The following MOK variants were observed in gnomAD, a reference collection of about 807,000 sequenced individuals.
The protein encoded by MOK is MAPK/MAK/MRK overlapping kinase.
Under a neutral mutation model 54.2 loss-of-function variants are expected in MOK, and 59 were observed. The observed-to-expected ratio is 1.09, with a 90% CI of 0.88 to 1.35. The LOEUF (loss-of-function observed/expected upper bound fraction) is 1.35. Among genes scored for constraint, MOK ranks in the 40% most tolerant of loss-of-function variants. The pLI, the probability that MOK is intolerant of heterozygous loss-of-function variation, is 0.00. For synonymous variants in MOK, 210 were observed against 202.7 expected, an observed-to-expected ratio of 1.04 and a Z score of -0.31; for missense variants, 517 against 526.2, an observed-to-expected ratio of 0.98 and a Z score of 0.17.
At chr14:102,243,408 C>T (rs1015854691) in intron 7 of MOK, among the ~76,000 whole-genome samples, 30 of 152,132 alleles carry the variant, frequency 2.0e-4, no homozygotes, top group Middle Eastern at 6.3e-3. Flanking sequence ...GAGCCGGGAC[C>T]GTGCCCTGTA....
At chr14:102,216,689 G>A in the MOK span, among the ~76,000 whole-genome samples, 1 of 152,164 alleles carries the variant, frequency 6.6e-6, no homozygotes, top group African/African-American at 2.4e-5. Context: ...CAGCACTTTG[G>A]GAGGCCGAGG....
downstream of MOK, chr14:102,224,577 T>C (rs1440626439): frequency 4.4e-6 from 2 of 455,966 alleles, no homozygotes; most frequent in South Asian, 1.5e-5. Context: ...TCACATTAAA[T>C]TGGGGGCATG....
downstream of MOK, chr14:102,226,055 G>A (rs1233906140): frequency 7.9e-6 from 4 of 505,580 alleles, no homozygotes; most frequent in Non-Finnish European, 1.4e-5. This position sits in a 1 kb window ranked among gnomAD's most constrained non-coding sequence, Gnocchi z 4.8. Context: ...TGCACCGCAG[G>A]TGTGGGGACA....
chr14:102,266,492 G>C lies in MOK; in HGVS notation c.123-580C>G, dbSNP rs555246767. ...CTCAAACTCCCAGGCTCAAATGATC[G>C]GCCCGCCTCAGCCACCCAAAGTACT... On this transcript the variant is annotated intron_variant, in intron 2 of 11. Transcript: ENST00000361847. 1.3e-5 allele frequency among the ~76,000 whole-genome samples: 2 copies of C among 152,006 alleles called. 1 individual carries two copies. Among genetic ancestry groups the C allele is most frequent in the Middle Eastern group, 6.8e-3 (2 of 294 alleles).
At chr14:102,260,116 T>A (rs1365045284) in intron 4 of MOK, among the ~76,000 whole-genome samples, 2 of 143,086 alleles carry the variant, frequency 1.4e-5, no homozygotes, top group African/African-American at 5.2e-5. Context: ...GCGGAGGTTG[T>A]GGTGAGCCGA....
downstream of MOK, chr14:102,226,547 T>C (rs376715613): frequency 6.8e-5 from 46 of 674,098 alleles, 1 homozygote; most frequent in South Asian, 6.8e-4. This position sits in a 1 kb window ranked among gnomAD's most constrained non-coding sequence, Gnocchi z 4.8. Flanking sequence ...GGTGGCCTCC[T>C]ATGGGCTGAG....
chr14:102,245,654 T>C lies in MOK; in HGVS notation c.590+5158A>G, dbSNP rs1158434622. 1.3e-5 allele frequency among the ~76,000 whole-genome samples: 2 copies of C among 151,720 alleles called. No homozygotes were observed. Among genetic ancestry groups the C allele is most frequent in the African/African-American group, 2.4e-5 (1 of 41,260 alleles). On this transcript the variant is annotated intron_variant, in intron 7 of 11. Coordinates refer to ENST00000361847, the MANE Select transcript of MOK (RefSeq NM_014226.3). This position sits in a 1 kb window ranked among gnomAD's most constrained non-coding sequence, Gnocchi z 4.3. ...ATCCTCTACAACGGCCCCACCCCTA[T>C]CTCCCTTCGATGATTCTCTTTTCGG...
In MOK at chr14:102,235,340, A is replaced by T. The variant is rs933123607; in HGVS notation, c.591-1551T>A. 6.6e-6 allele frequency: 1 copy of T among 152,230 alleles called. No homozygotes were observed. The highest frequency in any genetic ancestry group is 1.5e-5 in the Non-Finnish European group (1 of 68,042). The allele number at this position is 152,230 out of a possible 1,614,324, so 9.4% of individuals were successfully genotyped here. ...GACACTTACATCAAATAATTTAAAT[A>T]TCTCACCCAGTCTTATGAACTTACT... On this transcript the variant is annotated intron_variant, in intron 7 of 11. Transcript: ENST00000361847. This position sits in a 1 kb window ranked among gnomAD's most constrained non-coding sequence, Gnocchi z 4.4.
chr14:102,231,776 A>G lies in MOK; in HGVS notation c.912T>C (p.Phe304=), dbSNP rs902876212. Residue 304 remains phenylalanine (F), a synonymous_variant, in exon 10 of 12, where the codon TTT becomes TTC. Transcript: ENST00000361847. This position sits in a 1 kb window ranked among gnomAD's most constrained non-coding sequence, Gnocchi z 4.4. ...GTTCCGGTGCCACAGGGTGCTCCGG[A>G]AAGCCAGCTTTTCTGTGGCTGCCCA... ...RALGSHRKAG[F]PEHPVAPEPL... is the part of the protein sequence containing the mutation. The G allele has an allele frequency of 1.9e-6, 3 of 1,612,610 alleles. No individual in the cohort carries two copies. Among genetic ancestry groups the G allele is most frequent in the Non-Finnish European group, 2.5e-6 (3 of 1,179,514 alleles).
At chr14:102,250,607 G>C (rs2066449846) in intron 7 of MOK, among the ~76,000 whole-genome samples, 1 of 152,184 alleles carries the variant, frequency 6.6e-6, no homozygotes, top group African/African-American at 2.4e-5. Flanking sequence ...GAGGGCTGGT[G>C]CTCTTCTCTG....
chr14:102,255,392 G>A (rs1247139953), intron 4 of MOK, among the ~76,000 whole-genome samples: 4 of 152,104 alleles, frequency 2.6e-5, no homozygotes, highest in Admixed American at 6.6e-5. Context: ...AGCCACAAAC[G>A]GGCATGCGGG....
chr14:102,266,788 G>T (rs1230054822), intron 2 of MOK, among the ~76,000 whole-genome samples: 1 of 151,932 alleles, frequency 6.6e-6, no homozygotes, highest in Admixed American at 6.6e-5. Context: ...CACCATGTTG[G>T]CCAGGCTGGT....
intron 1 of MOK, among the ~76,000 whole-genome samples, chr14:102,292,710 A>G (rs1189845032): frequency 2.6e-5 from 4 of 151,886 alleles, no homozygotes; most frequent in Admixed American, 1.3e-4. Flanking sequence ...AAAGTCCACA[A>G]TCTGTTCTCT....
intron 1 of MOK, among the ~76,000 whole-genome samples, chr14:102,304,276 T>C (rs2072541977): frequency 6.6e-6 from 1 of 152,194 alleles, no homozygotes; most frequent in Admixed American, 6.5e-5. Flanking sequence ...ACAGTAATAA[T>C]AATTTTAAAA....
At chr14:102,252,419 C>CA (rs2066607104) in intron 4 of MOK, among the ~76,000 whole-genome samples, 1 of 151,876 alleles carries the variant, frequency 6.6e-6, no homozygotes, top group Non-Finnish European at 1.5e-5. Flanking sequence ...GGCACCATTA[C>CA]ACTCCAGCCT....
chr14:102,222,948 C>A, downstream of MOK: 1 of 1,597,178 alleles, frequency 6.3e-7, no homozygotes, highest in South Asian at 1.1e-5. This position sits in a 1 kb window ranked among gnomAD's most constrained non-coding sequence, Gnocchi z 4.4. Flanking sequence ...AGGAGGAGCT[C>A]CGAGCTGCGC....
rs1410495676 is a variant in MOK, at chr14:102,294,044, A to G, written c.8-10452T>C. ...GCCAGGTGTGGTGGCTCATGCCTGT[A>G]ATCCCAGCACTCTGGGAGGCTTAGG... On this transcript the variant is annotated intron_variant, in intron 1 of 11. Coordinates refer to ENST00000361847, the MANE Select transcript of MOK (RefSeq NM_014226.3). 2.6e-5 allele frequency among the ~76,000 whole-genome samples: 4 copies of G among 152,216 alleles called. No individual in the cohort carries two copies. In the South Asian group the frequency reaches 6.2e-4, roughly 24 times the overall value.
intron 7 of MOK, among the ~76,000 whole-genome samples, chr14:102,237,264 C>A (rs2065306500): frequency 6.6e-6 from 1 of 152,204 alleles, no homozygotes; most frequent in Non-Finnish European, 1.5e-5. Flanking sequence ...CAGCCCCTCT[C>A]TAGAAGACTC....
At chr14:102,262,030 A>C (rs2153130343) in intron 4 of MOK, among the ~76,000 whole-genome samples, 1 of 148,108 alleles carries the variant, frequency 6.8e-6, no homozygotes, top group East Asian at 2.0e-4. Flanking sequence ...TTTAATAGAG[A>C]CGAGGTTTCA....
Sources: gnomAD v4.1 joint callset for allele counts (sites outside exome capture counted in the v4.1 genomes callset) on GRCh38, gnomAD v4.1.1 for gene constraint, Gnocchi (gnomAD v3.1) non-coding constraint, MANE v1.5 for transcripts, NCBI Gene and HGNC (gene_info 2026-07-23, HGNC 2026-07-21) for gene names.